The following MIA3 variants were observed in gnomAD, a reference collection of about 807,000 sequenced individuals.
MIA3 encodes the protein transport and Golgi organization protein 1 homolog.
MIA3 carries 90 observed loss-of-function variants against 192.4 expected under a neutral mutation model. The ratio of observed to expected loss-of-function variants is 0.47; its 90% CI spans 0.39 to 0.56. The LOEUF is 0.56. Ranked by LOEUF, MIA3 falls within the 20% of genes least tolerant of loss-of-function variation. The pLI is 0.00. For missense variants in MIA3, 2,123 were observed against 2,269.4 expected, an observed-to-expected ratio of 0.94 and a Z score of 1.31; for synonymous variants, 740 against 792.8, an observed-to-expected ratio of 0.93 and a Z score of 1.12.
intron 6 of MIA3, among the ~76,000 whole-genome samples, chr1:222,640,198 A>C (rs1176929480): frequency 6.6e-6 from 1 of 152,174 alleles, no homozygotes; most frequent in Non-Finnish European, 1.5e-5. Context: ...GAAGACCTAA[A>C]TAGATGGAGA....
intron 7 of MIA3, 177 bp downstream of exon 7, chr1:222,645,862 C>T (rs2124890380): frequency 5.4e-6 from 3 of 551,962 alleles, no homozygotes; most frequent in Non-Finnish European, 9.0e-6. Flanking sequence ...GTGAATAAGA[C>T]AACATGTATA....
intron 6 of MIA3, 127 bp downstream of exon 6, chr1:222,633,376 C>A (rs565052531): frequency 1.9e-5 from 15 of 794,148 alleles, no homozygotes; most frequent in East Asian, 2.7e-5. Flanking sequence ...TGAAGAGAGA[C>A]CCTGAAATGA....
intron 11 of MIA3, among the ~76,000 whole-genome samples, chr1:222,651,658 A>AG (rs1663441139): frequency 6.6e-6 from 1 of 151,538 alleles, no homozygotes; most frequent in Non-Finnish European, 1.5e-5. Flanking sequence ...GAAAAAAAAA[A>AG]GTCACATTGA....
In MIA3 at chr1:222,653,349, GC is replaced by G; in HGVS notation, c.4321+12del. On this transcript the variant is annotated intron_variant, in intron 15 of 27. Transcript: ENST00000344922. ...AATGGAGAAGTGGGAGGTAAGATCA[GC>G]CTCAAGGAGGATGGACCCCTTTTGC... 6.3e-7 allele frequency: 1 copy of G among 1,588,770 alleles called. No individual in the cohort carries two copies.
chr1:222,629,057 C>T lies in MIA3; in HGVS notation c.1837C>T (p.His613Tyr). ...GAKLHTLSVE[H>Y]QREELKEELV... is the part of the protein sequence containing the mutation. ...CAAACTGCACACGCTTTCAGTGGAG[C>T]ATCAACGTGAGGAATTGAAAGAGGA... is the stretch of plus-strand genomic sequence containing the variant. Residue 613 changes from histidine to tyrosine, a missense_variant, in exon 4 of 28, where the codon CAT becomes TAT. His to Tyr is a moderately conservative substitution (Grantham distance 83, BLOSUM62 2). Coordinates refer to ENST00000344922, the MANE Select transcript of MIA3 (RefSeq NM_198551.4). 1.2e-6 allele frequency: 2 copies of T among 1,614,190 alleles called. No individual in the cohort carries two copies. Among genetic ancestry groups the T allele is most frequent in the Non-Finnish European group, 1.7e-6 (2 of 1,180,030 alleles).
intron 18 of MIA3, among the ~76,000 whole-genome samples, chr1:222,656,490 A>G (rs1663738122): frequency 6.6e-6 from 1 of 151,802 alleles, no homozygotes; most frequent in African/African-American, 2.4e-5. Context: ...CAAATGTTTT[A>G]TGCCTGCCCT....
In MIA3 at chr1:222,629,801, C is replaced by G. The variant is rs533556500; in HGVS notation, c.2581C>G (p.His861Asp). The stretch of plus-strand genomic sequence containing the variant: ...TCTGAAGAACGACAACCCTGAGGAA[C>G]ATCTGAAGACCTCAGGGCTTGCAGG... ...DYLKNDNPEE[H>D]LKTSGLAGEP... Residue 861 changes from histidine to aspartate, a missense_variant, in exon 4 of 28, where the codon CAT (histidine) becomes GAT (aspartate). His to Asp is a moderately conservative substitution (Grantham distance 81, BLOSUM62 -1). Around this residue, in one of 3 missense-constraint regions of MIA3, gnomAD observed 1,357 missense variants for 1,396.1 expected, o/e 0.97. Transcript: ENST00000344922. 6.2e-7 allele frequency: 1 copy of G among 1,614,050 alleles called. No individual in the cohort carries two copies. Among genetic ancestry groups the G allele is most frequent in the African/African-American group, 1.3e-5 (1 of 75,036 alleles).
chr1:222,652,515 T>C (rs1378914786), intron 13 of MIA3, among the ~76,000 whole-genome samples, 183 bp downstream of exon 13: 1 of 152,232 alleles, frequency 6.6e-6, no homozygotes, highest in Non-Finnish European at 1.5e-5. Context: ...CTGTTCTGGA[T>C]TTTCTGTTCT....
Position 222,650,820 on chromosome 1 carries a change from C to G in MIA3, c.3826C>G (p.Gln1276Glu), listed in dbSNP as rs748564524. The change falls in exon 11 of 28, where the codon CAG (glutamine) becomes GAG (glutamate). Residue 1276 changes from glutamine (Q) to glutamate (E), a missense_variant. By Grantham distance (29) the Gln-to-Glu change is conservative. Around this residue, in one of 3 missense-constraint regions of MIA3, gnomAD observed 762 missense variants for 856.4 expected, o/e 0.89. Transcript: ENST00000344922. ...KDKIKTLEKN[Q>E]EILDDTAKNL... Reference sequence around the variant, plus strand: ...TAAAATCAAGACACTTGAAAAAAATCAGGAAATTCTGGATGACACAGCTAA... The same window carrying G: ...TAAAATCAAGACACTTGAAAAAAATGAGGAAATTCTGGATGACACAGCTAA... 4 of 1,609,116 alleles carry G rather than the reference C, an allele frequency of 2.5e-6. No homozygotes were observed. The South Asian group carries it at 4.4e-5, about 18-fold the overall frequency.
At chr1:222,661,509 A>G (rs1416535153) in intron 24 of MIA3, 2 of 154,250 alleles carry the variant, frequency 1.3e-5, no homozygotes, top group Non-Finnish European at 2.9e-5. Context: ...CTTCTGGTCA[A>G]TAGTAGGCTA....
At chr1:222,641,950 A>G in intron 6 of MIA3, 1 of 368,460 alleles carries the variant, frequency 2.7e-6, no homozygotes, top group Admixed American at 3.6e-5. Context: ...ATACAATGAA[A>G]TGCTACTCAG....
In MIA3 at chr1:222,665,635, G is replaced by A; in HGVS notation, c.*16G>A. 1.3e-6 allele frequency: 2 copies of A among 1,543,722 alleles called. No individual in the cohort carries two copies. The highest frequency in any genetic ancestry group is 1.2e-5 in the South Asian group (1 of 81,186). ...GAGCCCATAAAACTATGACCTCTGA[G>A]GTTTCATTGGAAAGAAAGTGTACTG... is the stretch of plus-strand genomic sequence containing the variant. On this transcript the variant is annotated 3_prime_UTR_variant, in exon 28 of 28. Coordinates refer to ENST00000344922, the MANE Select transcript of MIA3 (RefSeq NM_198551.4).
At position 222,653,300 on chromosome 1, in the gene MIA3, G is replaced by C. The variant is rs1360360079; in HGVS notation, c.4282G>C (p.Gly1428Arg). 1.2e-6 allele frequency: 2 copies of C among 1,613,772 alleles called. No individual in the cohort carries two copies. Among genetic ancestry groups the C allele is most frequent in the African/African-American group, 2.7e-5 (2 of 74,920 alleles). ...TGAATCTGAGGGTCAAAATAAAGGTGGAAATGATTCAGATGAATTAGCAAA... is the reference window on the plus strand; with the variant it reads ...TGAATCTGAGGGTCAAAATAAAGGTCGAAATGATTCAGATGAATTAGCAAA... The part of the protein sequence containing the change: ...ESESEGQNKG[G>R]NDSDELANGE... Residue 1428 changes from glycine (G) to arginine (R), a missense_variant, in exon 15 of 28, where the codon GGA becomes CGA. This residue lies in a region of MIA3 where 762 missense variants were observed against 856.4 expected (regional missense o/e 0.89). Coordinates refer to ENST00000344922, the MANE Select transcript of MIA3 (RefSeq NM_198551.4).
Position 222,642,181 on chromosome 1 carries a change from C to G in MIA3, c.3478-3373C>G, listed in dbSNP as rs963126174. Among the ~76,000 whole-genome samples, 8 of 152,070 alleles carry G rather than the reference C, an allele frequency of 5.3e-5. 1 individual carries two copies. Among genetic ancestry groups the G allele is most frequent in the Admixed American group, 5.2e-4 (8 of 15,264 alleles). On this transcript the variant is annotated intron_variant, in intron 6 of 27. Transcript: ENST00000344922. Reference sequence around the variant, plus strand: ...GGGAATAAGGAGACTTTGGGAGGTTCACTATGTTGGTTGTGATGATGGTTT... The same window carrying G: ...GGGAATAAGGAGACTTTGGGAGGTTGACTATGTTGGTTGTGATGATGGTTT...
chr1:222,626,228 TA>T (rs2124833061), intron 3 of MIA3, among the ~76,000 whole-genome samples: 1 of 152,320 alleles, frequency 6.6e-6, no homozygotes, highest in Admixed American at 6.5e-5. Context: ...TTGCTATGCT[TA>T]AAATTTCTCG....
At chr1:222,625,760 A>G (rs1311750542) in intron 3 of MIA3, among the ~76,000 whole-genome samples, 3 of 150,876 alleles carry the variant, frequency 2.0e-5, no homozygotes, top group Non-Finnish European at 2.9e-5. Context: ...TTTTTGAGAC[A>G]GAGTCTCTCT....
At chr1:222,646,534 A>G (rs3008624) in intron 7 of MIA3, among the ~76,000 whole-genome samples, 145,643 of 152,224 alleles carry the variant, frequency 0.96, 69,708 homozygotes, top group Admixed American at 0.98. Context: ...GGTGGATCAC[A>G]TAAGGCCAGG....
At chr1:222,634,031 G>A (rs1662523961) in intron 6 of MIA3, among the ~76,000 whole-genome samples, 1 of 151,966 alleles carries the variant, frequency 6.6e-6, no homozygotes, top group African/African-American at 2.4e-5. Context: ...TTGTAGAGGT[G>A]GGGTTTTGTG....
At chr1:222,636,892 T>A (rs1662650513) in intron 6 of MIA3, among the ~76,000 whole-genome samples, 1 of 152,158 alleles carries the variant, frequency 6.6e-6, no homozygotes, top group Non-Finnish European at 1.5e-5. Flanking sequence ...CTGCCTCCTC[T>A]GCAAGATTGG....
Sources: gnomAD v4.1 joint callset for allele counts (sites outside exome capture counted in the v4.1 genomes callset) on GRCh38, gnomAD v4.1.1 for gene constraint, gnomAD v4.1.1 regional missense constraint, MANE v1.5 for transcripts, NCBI Gene and HGNC (gene_info 2026-07-23, HGNC 2026-07-21) for gene names.